Variants in KIAA1210 observed in about 807,000 individuals in gnomAD.
KIAA1210 encodes the protein acrosomal protein KIAA1210.
KIAA1210 carries 48 observed loss-of-function variants against 78.9 expected under a neutral mutation model. The observed-to-expected ratio is 0.61, with a 90% CI of 0.48 to 0.77. The LOEUF (loss-of-function observed/expected upper bound fraction) is 0.77. KIAA1210 is among the 30% of genes least tolerant of loss of function. KIAA1210 has a pLI of 0.00. For missense variants in KIAA1210, 1,108 were observed against 1,100.0 expected, an observed-to-expected ratio of 1.01 and a Z score of -0.10; for synonymous variants, 406 against 404.5, an observed-to-expected ratio of 1.00 and a Z score of -0.04.
chrX:119,099,472 C>T (rs780219424), intron 6 of KIAA1210, among the ~76,000 whole-genome samples: 342 of 112,229 alleles, frequency 3.0e-3, no homozygotes, highest in Non-Finnish European at 4.7e-3. Context: ...CAAACCGGGG[C>T]TAAAAATTAA....
chrX:119,085,304 G>C (rs1174444767), intron 10 of KIAA1210, 79 bp downstream of exon 10: 1 of 969,512 alleles, frequency 1.0e-6, no homozygotes, highest in Admixed American at 2.8e-5. Context: ...GCTGCATGTT[G>C]GCAAAGTTCC....
At position 119,079,547 on chromosome X, in the gene KIAA1210, G is replaced by C. The variant is rs778467393; in HGVS notation, c.*1782C>G. ...GCCAGCCAATTAAGGAACTGGCTCT[G>C]GGGGTAAAGGTGCCTACATCTTCAT... On this transcript the variant is annotated 3_prime_UTR_variant, in exon 12 of 12. Coordinates refer to ENST00000691062, the MANE Select transcript of KIAA1210 (RefSeq NM_001394962.1). The C allele has an allele frequency of 2.7e-5, 3 of 111,976 alleles. No homozygotes were observed. Among genetic ancestry groups the C allele is most frequent in the South Asian group, 3.8e-4 (1 of 2,654 alleles). The allele number at this position is 111,976 out of a possible 1,213,427, so 9.2% of individuals were successfully genotyped here. A position where few individuals can be genotyped will look rare whatever the true frequency, so the allele number is the denominator to read the frequency against.
chrX:119,136,496 G>A (rs1184282642), intron 2 of KIAA1210, among the ~76,000 whole-genome samples: 1 of 111,255 alleles, frequency 9.0e-6, no homozygotes, highest in African/African-American at 3.3e-5. Flanking sequence ...GGGTGATGCT[G>A]ATGTCTTTGT....
chrX:119,106,106 G>A (rs1927886045), intron 5 of KIAA1210, among the ~76,000 whole-genome samples: 1 of 111,774 alleles, frequency 8.9e-6, no homozygotes, highest in Admixed American at 9.5e-5. Flanking sequence ...TGCTCCTGGG[G>A]TGCTCCTGGC....
At chrX:119,135,938 C>T (rs1166343302) in intron 2 of KIAA1210, among the ~76,000 whole-genome samples, 1 of 110,783 alleles carries the variant, frequency 9.0e-6, no homozygotes, top group Non-Finnish European at 1.9e-5. Context: ...ACTGTAATCC[C>T]AGCTACTCGG....
chrX:119,092,770 A>AATAC (rs1250404947), intron 8 of KIAA1210, among the ~76,000 whole-genome samples: 3 of 103,695 alleles, frequency 2.9e-5, no homozygotes, highest in Non-Finnish European at 4.0e-5. Context: ...TAAATAAATA[A>AATAC]ATAAATAAAT....
intron 2 of KIAA1210, among the ~76,000 whole-genome samples, chrX:119,143,415 G>T (rs1929095802): frequency 8.9e-6 from 1 of 112,215 alleles, no homozygotes; most frequent in African/African-American, 3.2e-5. Context: ...CCTCTCTCTG[G>T]GTTCACAGAA....
intron 3 of KIAA1210, among the ~76,000 whole-genome samples, chrX:119,110,105 C>T (rs1261828250): frequency 9.0e-6 from 1 of 111,579 alleles, no homozygotes; most frequent in Non-Finnish European, 1.9e-5. Context: ...TGAATATAGA[C>T]ACAAAAATCC....
chrX:119,144,740 TG>T (rs1339959429), intron 2 of KIAA1210, among the ~76,000 whole-genome samples: 1 of 112,416 alleles, frequency 8.9e-6, no homozygotes, highest in African/African-American at 3.2e-5. Flanking sequence ...ATTCTTACTG[TG>T]CTAGATACTG....
At chrX:119,136,616 C>T (rs763919049) in intron 2 of KIAA1210, among the ~76,000 whole-genome samples, 47 of 111,359 alleles carry the variant, frequency 4.2e-4, no homozygotes, top group Non-Finnish European at 6.0e-4. Flanking sequence ...CACTTGAGCC[C>T]AGGAGTTCAA....
At chrX:119,083,240 C>A in intron 10 of KIAA1210, 120 bp from the exon 11 acceptor site, 1 of 408,226 alleles carries the variant, frequency 2.4e-6, no homozygotes. Context: ...TAACAGTATC[C>A]AAAAGGAAAG....
In KIAA1210 at chrX:119,146,723, T is replaced by G. The variant is rs1929176727; in HGVS notation, c.410+750A>C. 2.7e-5 allele frequency among the ~76,000 whole-genome samples: 3 copies of G among 111,169 alleles called. No individual in the cohort carries two copies. The Admixed American group carries it at 2.9e-4, about 11-fold the overall frequency. On this transcript the variant is annotated intron_variant, in intron 2 of 13. Transcript: ENST00000402510. ...GGGGCCTGGGAGAGTATCTCCTCCC[T>G]CTGACCCCTACACTGGTACCTGCCA...
rs904543306 is a variant in KIAA1210, at chrX:119,081,131, A to C, written c.*198T>G. ...ACGAAAACAAAATTAGCCGGGCGTG[A>C]TGGCGGGCGCCTGTAGTCCCAGCTA... On this transcript the variant is annotated 3_prime_UTR_variant, in exon 12 of 12. Transcript: ENST00000691062. 3.4e-6 allele frequency: 1 copy of C among 293,499 alleles called. No homozygotes were observed. The highest frequency in any genetic ancestry group is 2.8e-5 in the African/African-American group (1 of 35,512). 24.2% of individuals were successfully genotyped at this position (293,499 alleles called of 1,213,427 possible).
chrX:119,139,154 T>C (rs761223928), intron 2 of KIAA1210, among the ~76,000 whole-genome samples: 1 of 111,863 alleles, frequency 8.9e-6, no homozygotes, highest in South Asian at 3.8e-4. Flanking sequence ...GGGATGCTGC[T>C]TCTTCAGAGG....
At chrX:119,090,458 G>A (rs1165530682) in intron 8 of KIAA1210, among the ~76,000 whole-genome samples, 1 of 110,797 alleles carries the variant, frequency 9.0e-6, no homozygotes, top group African/African-American at 3.3e-5. Context: ...TTTTAGTAGA[G>A]ACGGGGTTTC....
intron 2 of KIAA1210, among the ~76,000 whole-genome samples, chrX:119,117,859 C>G (rs1164294022): frequency 9.0e-6 from 1 of 111,150 alleles, no homozygotes; most frequent in Non-Finnish European, 1.9e-5. Context: ...GTGATCCACC[C>G]GCCTTGGCCT....
At chrX:119,128,620 G>C (rs1004077312), upstream of KIAA1210, among the ~76,000 whole-genome samples, 1 of 111,550 alleles carries the variant, frequency 9.0e-6, no homozygotes, top group Non-Finnish European at 1.9e-5. Flanking sequence ...GATCATCCTA[G>C]TTAAAATGCT....
At chrX:119,090,259 T>C (rs1037174483) in intron 8 of KIAA1210, among the ~76,000 whole-genome samples, 10 of 109,343 alleles carry the variant, frequency 9.1e-5, no homozygotes, top group Non-Finnish European at 1.5e-4. Flanking sequence ...AAATTAATTA[T>C]GGTTCTATTT....
chrX:119,122,064 T>TTA (rs1928483129), intron 2 of KIAA1210, among the ~76,000 whole-genome samples: 1 of 85,175 alleles, frequency 1.2e-5, no homozygotes, highest in Non-Finnish European at 2.3e-5. Flanking sequence ...GCCCGGCATT[T>TTA]TTTTTTTTTT....
Sources: allele counts gnomAD v4.1 joint callset (sites outside exome capture counted in the v4.1 genomes callset), GRCh38; gene constraint gnomAD v4.1.1; transcripts MANE v1.5; gene names NCBI Gene and HGNC (gene_info 2026-07-23, HGNC 2026-07-21).